Variants in FMN2 observed in about 807,000 individuals in gnomAD.
FMN2 encodes formin 2.
Under a neutral mutation model 142.3 loss-of-function variants are expected in FMN2, and 51 were observed. The ratio of observed to expected loss-of-function variants is 0.36; its 90% confidence interval spans 0.29 to 0.45. The LOEUF (loss-of-function observed/expected upper bound fraction) is 0.45. Among genes scored for constraint, FMN2 ranks in the 20% least tolerant of loss-of-function variants. The pLI, the probability that FMN2 is intolerant of heterozygous loss-of-function variation, is 1.00. For synonymous variants in FMN2, 882 were observed against 869.8 expected, an observed-to-expected ratio of 1.01 and a Z score of -0.25; for missense variants, 1,936 against 2,122.8, an observed-to-expected ratio of 0.91 and a Z score of 1.73.
At chr1:240,347,749 A>G (rs539342850) in intron 13 of FMN2, among the ~76,000 whole-genome samples, 1 of 152,222 alleles carries the variant, frequency 6.6e-6, no homozygotes, top group South Asian at 2.1e-4. Flanking sequence ...ATGTCTGTGT[A>G]TACCCAATGT....
intron 6 of FMN2, among the ~76,000 whole-genome samples, chr1:240,218,579 T>C (rs1666993897): frequency 6.6e-6 from 1 of 152,048 alleles, no homozygotes; most frequent in African/African-American, 2.4e-5. Context: ...AAAAAAATTT[T>C]ATTTCTATCT....
At chr1:240,348,942 TG>T (rs1558446312) in intron 13 of FMN2, among the ~76,000 whole-genome samples, 1 of 152,170 alleles carries the variant, frequency 6.6e-6, no homozygotes, top group Non-Finnish European at 1.5e-5. Context: ...ACTAGCTCTG[TG>T]GATATTGAGA....
At chr1:240,409,988 C>T (rs1360197602) in intron 15 of FMN2, among the ~76,000 whole-genome samples, 1 of 151,568 alleles carries the variant, frequency 6.6e-6, no homozygotes, top group Non-Finnish European at 1.5e-5. Context: ...CTCTTTTGAC[C>T]AAAAAAGCTA....
intron 15 of FMN2, among the ~76,000 whole-genome samples, chr1:240,393,746 T>C (rs1673685329): frequency 1.3e-5 from 2 of 152,218 alleles, no homozygotes; most frequent in Admixed American, 6.5e-5. Flanking sequence ...TCTATTTCAA[T>C]GAACACATGA....
chr1:240,406,286 G>C (rs367715442), intron 15 of FMN2, among the ~76,000 whole-genome samples: 15 of 69,546 alleles, frequency 2.2e-4, no homozygotes, highest in South Asian at 8.2e-4. Flanking sequence ...AAGCAGCCTC[G>C]GGAGTGGGGG....
chr1:240,264,866 T>A (rs1668747510), intron 7 of FMN2, among the ~76,000 whole-genome samples: 1 of 152,182 alleles, frequency 6.6e-6, no homozygotes. Context: ...TTCTTCCGCC[T>A]CCTTCCCTCT....
intron 1 of FMN2, among the ~76,000 whole-genome samples, chr1:240,114,277 A>C (rs1268720249): frequency 6.6e-6 from 1 of 152,220 alleles, no homozygotes; most frequent in East Asian, 1.9e-4. Flanking sequence ...TAAGTTGTTC[A>C]ATATTACCTG....
intron 8 of FMN2, among the ~76,000 whole-genome samples, chr1:240,312,491 T>G (rs1448900077): frequency 6.6e-6 from 1 of 152,214 alleles, no homozygotes; most frequent in Non-Finnish European, 1.5e-5. Context: ...CTGATGAAAG[T>G]TCTGTTGTTT....
intron 7 of FMN2, among the ~76,000 whole-genome samples, chr1:240,264,744 G>T (rs1310223774): frequency 6.6e-6 from 1 of 152,100 alleles, no homozygotes; most frequent in African/African-American, 2.4e-5. Flanking sequence ...GTATTCCATG[G>T]TGTATATGTG....
At chr1:240,445,049 T>G (rs1019643108) in intron 16 of FMN2, among the ~76,000 whole-genome samples, 1 of 152,220 alleles carries the variant, frequency 6.6e-6, no homozygotes, top group African/African-American at 2.4e-5. Flanking sequence ...AAAGAAATCC[T>G]CTTCTCAGTG....
intron 6 of FMN2, among the ~76,000 whole-genome samples, chr1:240,217,820 C>G (rs555580932): frequency 1.2e-4 from 18 of 150,682 alleles, no homozygotes; most frequent in Admixed American, 2.6e-4. Context: ...AAAAAAAACA[C>G]GAATACACCA....
At chr1:240,262,075 C>T (rs10802851) in intron 7 of FMN2, among the ~76,000 whole-genome samples, 1 of 151,320 alleles carries the variant, frequency 6.6e-6, no homozygotes, top group Non-Finnish European at 1.5e-5. Context: ...CCAGTATAGC[C>T]CTTTTTTTTA....
At chr1:240,192,727 G>A (rs1665751475) in intron 4 of FMN2, among the ~76,000 whole-genome samples, 2 of 152,184 alleles carry the variant, frequency 1.3e-5, no homozygotes, top group Admixed American at 6.5e-5. Context: ...AGGGGCAAGC[G>A]AGAGATGGTT....
chr1:240,273,361 G>A (rs1157568676), intron 7 of FMN2, among the ~76,000 whole-genome samples: 2 of 152,184 alleles, frequency 1.3e-5, no homozygotes, highest in African/African-American at 4.8e-5. Context: ...GCATAGAGTA[G>A]TAAAAGAAAC....
chr1:240,255,612 G>A (rs1668429218), intron 6 of FMN2, among the ~76,000 whole-genome samples: 1 of 152,186 alleles, frequency 6.6e-6, no homozygotes, highest in Non-Finnish European at 1.5e-5. Flanking sequence ...TGAAGGGGAG[G>A]TAGGAGTCTT....
chr1:240,388,879 G>A (rs138415422), intron 14 of FMN2, among the ~76,000 whole-genome samples: 36 of 144,932 alleles, frequency 2.5e-4, no homozygotes, highest in African/African-American at 1.0e-3. Flanking sequence ...AAAAAAAAAG[G>A]GGGGGGGTCA....
At chr1:240,359,800 A>G (rs1672399550) in intron 14 of FMN2, among the ~76,000 whole-genome samples, 1 of 152,226 alleles carries the variant, frequency 6.6e-6, no homozygotes, top group Non-Finnish European at 1.5e-5. Flanking sequence ...TCTGACGGCC[A>G]CCTGGCTTTA....
At chr1:240,104,934 G>A (rs543839658) in intron 1 of FMN2, among the ~76,000 whole-genome samples, 2 of 151,768 alleles carry the variant, frequency 1.3e-5, no homozygotes, top group African/African-American at 2.4e-5. Flanking sequence ...TGTACTTCTC[G>A]GCCACCAGAG....
At chr1:240,450,789 C>G (rs1676009683) in intron 16 of FMN2, among the ~76,000 whole-genome samples, 1 of 152,224 alleles carries the variant, frequency 6.6e-6, no homozygotes, top group African/African-American at 2.4e-5. Flanking sequence ...ATATAAAGTT[C>G]TGTCTGGATA....
Sources: allele counts gnomAD v4.1 joint callset (sites outside exome capture counted in the v4.1 genomes callset), GRCh38; gene constraint gnomAD v4.1.1; transcripts MANE v1.5; gene names NCBI Gene and HGNC (gene_info 2026-07-23, HGNC 2026-07-21).